Variants in MIGA1 observed in about 807,000 individuals in gnomAD.
The protein encoded by MIGA1 is family with sequence similarity 73, member A.
Under a neutral mutation model 82.0 loss-of-function variants are expected in MIGA1, and 58 were observed. The ratio of observed to expected loss-of-function variants is 0.71; its 90% CI spans 0.57 to 0.88. The LOEUF (loss-of-function observed/expected upper bound fraction) is 0.88, where lower values mean the gene tolerates loss of function less well. Ranked by LOEUF, MIGA1 falls within the 40% of genes least tolerant of loss-of-function variation. MIGA1 has a pLI of 0.00. For missense variants in MIGA1, 751 were observed against 749.1 expected, an observed-to-expected ratio of 1.00 and a Z score of -0.03; for synonymous variants, 249 against 253.6, an observed-to-expected ratio of 0.98 and a Z score of 0.17.
chr1:77,842,963 A>G (rs771345068), intron 7 of MIGA1, among the ~76,000 whole-genome samples: 1 of 152,264 alleles, frequency 6.6e-6, no homozygotes, highest in Non-Finnish European at 1.5e-5. Flanking sequence ...GGGCAAGACC[A>G]CTTGCAAATA....
At chr1:77,844,135 T>TATATATATATAGATAG (rs1376030825) in intron 8 of MIGA1, among the ~76,000 whole-genome samples, 1 of 112,536 alleles carries the variant, frequency 8.9e-6, no homozygotes, top group African/African-American at 3.8e-5. Flanking sequence ...TATATATATA[T>TATATATATATAGATAG]ATAGATAGAT....
chr1:77,873,799 A>C (rs1646869630), intron 15 of MIGA1, among the ~76,000 whole-genome samples: 1 of 152,182 alleles, frequency 6.6e-6, no homozygotes, highest in Non-Finnish European at 1.5e-5. Flanking sequence ...ATTTTTTAAA[A>C]TTATGTTTAT....
chr1:77,802,876 A>G (rs1204045364), intron 3 of MIGA1, among the ~76,000 whole-genome samples: 2 of 152,152 alleles, frequency 1.3e-5, no homozygotes, highest in African/African-American at 4.8e-5. Flanking sequence ...TTTCAATGCA[A>G]TGAGATTTGG....
chr1:77,832,781 G>C (rs1407804409), intron 7 of MIGA1, among the ~76,000 whole-genome samples: 5 of 152,188 alleles, frequency 3.3e-5, no homozygotes, highest in Admixed American at 2.6e-4. Flanking sequence ...AGACAAAAGG[G>C]AGCCGTTGAG....
At position 77,783,353 on chromosome 1, in the gene MIGA1, T is replaced by TA; in HGVS notation, c.195+5dup. 1 of 1,536,302 alleles carries TA rather than the reference T, an allele frequency of 6.5e-7. No homozygotes were observed. The highest frequency in any genetic ancestry group is 1.2e-5 in the South Asian group (1 of 82,726). ...ACTTGGTACTATTCTCTCTCCCAGG[T>TA]AAATAAAAGAAGCAAACAGGAAGTT... On this transcript the variant is annotated splice_region_variant and intron_variant, in intron 2 of 15. Transcript: ENST00000370791.
intron 2 of MIGA1, among the ~76,000 whole-genome samples, chr1:77,794,110 A>G (rs1403445982): frequency 6.6e-6 from 1 of 152,104 alleles, no homozygotes; most frequent in East Asian, 1.9e-4. Flanking sequence ...TTTTGAAAGA[A>G]TTTTATTTAC....
chr1:77,793,608 C>T (rs1189970913), intron 2 of MIGA1, among the ~76,000 whole-genome samples: 2 of 150,920 alleles, frequency 1.3e-5, no homozygotes, highest in Non-Finnish European at 1.5e-5. Flanking sequence ...TACAGGCATG[C>T]GCCACCATGC....
At chr1:77,805,981 G>A (rs115922143) in intron 4 of MIGA1, among the ~76,000 whole-genome samples, 82 of 152,260 alleles carry the variant, frequency 5.4e-4, no homozygotes, top group African/African-American at 1.9e-3. Context: ...TACTGTACTT[G>A]CCTAACTGAA....
chr1:77,793,783 CTTTTTT>C (rs1175821307), intron 2 of MIGA1, among the ~76,000 whole-genome samples: 1,642 of 114,128 alleles, frequency 0.014, 33 homozygotes, highest in South Asian at 0.12. Context: ...AAAATTTTAT[CTTTTTT>C]TTTTTTTTTT....
At chr1:77,827,833 A>G (rs1684091420) in intron 7 of MIGA1, among the ~76,000 whole-genome samples, 1 of 152,204 alleles carries the variant, frequency 6.6e-6, no homozygotes. Flanking sequence ...GCAACTTAAA[A>G]TGTAAAACCA....
intron 7 of MIGA1, among the ~76,000 whole-genome samples, chr1:77,831,827 C>T (rs761018860): frequency 4.0e-4 from 61 of 152,226 alleles, no homozygotes; most frequent in Admixed American, 2.0e-3. Context: ...GTGGGAGGAT[C>T]GCTTAAGCCC....
rs1212808370 is a variant in MIGA1 at position 77,875,036 on chromosome 1, C to T, written c.1871C>T (p.Thr624Ile). Residue 624 changes from threonine to isoleucine, a missense_variant, in exon 16 of 16, where the codon ACT becomes ATT. Thr to Ile is a moderately conservative substitution (Grantham distance 89, BLOSUM62 -1). Coordinates refer to ENST00000370791, the MANE Select transcript of MIGA1 (RefSeq NM_198549.4). ...AGCAGTCATGGTCATGTTATGTCCACTGGGCTACTGGAAGCCAAAGTACAA... is the reference window on the plus strand; with the variant it reads ...AGCAGTCATGGTCATGTTATGTCCATTGGGCTACTGGAAGCCAAAGTACAA... The T allele has an allele frequency of 1.2e-6, 2 of 1,613,990 alleles. No individual in the cohort carries two copies. Among genetic ancestry groups the T allele is most frequent in the Non-Finnish European group, 1.7e-6 (2 of 1,179,906 alleles).
At chr1:77,790,239 C>A (rs895408644) in intron 2 of MIGA1, among the ~76,000 whole-genome samples, 1 of 152,206 alleles carries the variant, frequency 6.6e-6, no homozygotes. Context: ...TCTTCTATCA[C>A]CTTAAAGATT....
intron 1 of MIGA1, chr1:77,782,821 A>G: frequency 1.0e-6 from 1 of 976,986 alleles, no homozygotes; most frequent in Non-Finnish European, 1.2e-6. Flanking sequence ...GATTCCATTC[A>G]GCAACCTGCC....
At chr1:77,873,464 C>T (rs1001031529) in intron 15 of MIGA1, among the ~76,000 whole-genome samples, 1 of 152,146 alleles carries the variant, frequency 6.6e-6, no homozygotes, top group African/African-American at 2.4e-5. Context: ...GTTTTTCATA[C>T]CTGGGCACTT....
intron 5 of MIGA1, among the ~76,000 whole-genome samples, chr1:77,807,858 G>T (rs896585055): frequency 6.6e-6 from 1 of 151,548 alleles, no homozygotes. Flanking sequence ...TCTCACTCTC[G>T]CCCAGGCTAG....
intron 2 of MIGA1, among the ~76,000 whole-genome samples, chr1:77,792,114 G>T (rs542372626): frequency 6.6e-6 from 1 of 152,262 alleles, no homozygotes; most frequent in African/African-American, 2.4e-5. Context: ...CTAGCAGTTG[G>T]GATAGGCTAG....
chr1:77,807,104 A>G lies in MIGA1; in HGVS notation c.637+3A>G. The stretch of plus-strand genomic sequence containing the variant: ...TCCAGAGAACTTATACTTAATGGGT[A>G]GGAATGAGATGATAACATTTTAAGA... On this transcript the variant is annotated splice_donor_region_variant and intron_variant, in intron 5 of 15. Coordinates refer to ENST00000370791, the MANE Select transcript of MIGA1 (RefSeq NM_198549.4). 1 of 1,567,562 alleles carries G rather than the reference A, an allele frequency of 6.4e-7. No homozygotes were observed. The highest frequency in any genetic ancestry group is 1.2e-5 in the South Asian group (1 of 86,142).
chr1:77,813,718 T>C lies in MIGA1; in HGVS notation c.638-16T>C. On this transcript the variant is annotated splice_polypyrimidine_tract_variant and intron_variant, in intron 5 of 15. Coordinates refer to ENST00000370791, the MANE Select transcript of MIGA1 (RefSeq NM_198549.4). ...TGATTTTGCTCAGTTAAAATTGTTC[T>C]GTTCTTAATTTTTAGGTATGGAATT... 6.2e-7 allele frequency: 1 copy of C among 1,612,064 alleles called. No individual in the cohort carries two copies. The highest frequency in any genetic ancestry group is 1.1e-5 in the South Asian group (1 of 90,802).
Sources: allele counts gnomAD v4.1 joint callset (sites outside exome capture counted in the v4.1 genomes callset), GRCh38; gene constraint gnomAD v4.1.1; transcripts MANE v1.5; gene names NCBI Gene and HGNC (gene_info 2026-07-23, HGNC 2026-07-21).